The following YAF2 variants were observed in gnomAD, a reference collection of about 807,000 sequenced individuals.
The protein encoded by YAF2 is YY1 associated factor 2.
Under a neutral mutation model 20.1 loss-of-function variants are expected in YAF2, and 7 were observed. That is an observed-to-expected ratio of 0.35 (90% CI 0.20 to 0.65). The LOEUF (loss-of-function observed/expected upper bound fraction) is 0.65, where lower values mean the gene tolerates loss of function less well. Ranked by LOEUF, YAF2 falls within the 30% of genes least tolerant of loss-of-function variation. The pLI is 0.69. For synonymous variants in YAF2, 74 were observed against 76.0 expected (o/e 0.97, Z 0.14); for missense variants, 151 against 219.2 (o/e 0.69, Z 1.96).
intron 2 of YAF2, among the ~76,000 whole-genome samples, chr12:42,222,369 G>A (rs1237465695): frequency 6.6e-6 from 1 of 152,174 alleles, no homozygotes; most frequent in African/African-American, 2.4e-5. Flanking sequence ...AACTAGGATG[G>A]TTTTATAAAC....
At position 42,216,458 on chromosome 12, in the gene YAF2, C is replaced by T. The variant is rs1172710532; in HGVS notation, c.152+21141G>A. ...CCCTCTGTTTCTGTATTGTTACACT[C>T]TCCTGGGTTTCTTACTCCCTATTAA... On this transcript the variant is annotated intron_variant, in intron 2 of 3. Coordinates refer to ENST00000534854, the MANE Select transcript of YAF2 (RefSeq NM_005748.6). 3.9e-5 allele frequency among the ~76,000 whole-genome samples: 6 copies of T among 152,128 alleles called. No homozygotes were observed. The South Asian group carries it at 8.3e-4, about 21-fold the overall frequency.
chr12:42,236,526 C>A (rs2068161470), intron 2 of YAF2, among the ~76,000 whole-genome samples: 1 of 151,840 alleles, frequency 6.6e-6, no homozygotes, highest in African/African-American at 2.4e-5. Flanking sequence ...TTACTGTCAA[C>A]CATTCCTGTC....
At chr12:42,197,610 G>C (rs2066787784) in intron 2 of YAF2, among the ~76,000 whole-genome samples, 1 of 152,206 alleles carries the variant, frequency 6.6e-6, no homozygotes, top group African/African-American at 2.4e-5. Flanking sequence ...CGCTGGAATA[G>C]AGGTGGTGTA....
At position 42,202,104 on chromosome 12, in the gene YAF2, TC is replaced by T. The variant is rs368462084; in HGVS notation, c.152+35494del. On this transcript the variant is annotated intron_variant, in intron 2 of 3. Coordinates refer to ENST00000534854, the MANE Select transcript of YAF2 (RefSeq NM_005748.6). ...TATTGCTTGAAGCAGAGATCTAGTTTCCCCCCCCATCTAGAAAACCAATTCG... is the reference window on the plus strand; with the variant it reads ...TATTGCTTGAAGCAGAGATCTAGTTTCCCCCCCATCTAGAAAACCAATTCG... 9.8e-4 allele frequency among the ~76,000 whole-genome samples: 149 copies of T among 151,626 alleles called. 1 individual carries two copies. Among genetic ancestry groups the T allele is most frequent in the African/African-American group, 3.2e-3 (132 of 41,362 alleles).
intron 2 of YAF2, among the ~76,000 whole-genome samples, chr12:42,216,846 C>T (rs1300102611): frequency 6.6e-6 from 1 of 152,202 alleles, no homozygotes; most frequent in Non-Finnish European, 1.5e-5. Context: ...TCAGTGAGAA[C>T]TAACACCACT....
At chr12:42,227,134 C>T (rs1007315217) in intron 2 of YAF2, among the ~76,000 whole-genome samples, 5 of 145,676 alleles carry the variant, frequency 3.4e-5, no homozygotes, top group Admixed American at 6.8e-5. Context: ...GCCGCCGCGC[C>T]GGCGAGCGCC....
chr12:42,177,830 TAGG>T (rs1173717572), intron 2 of YAF2, among the ~76,000 whole-genome samples: 15 of 152,198 alleles, frequency 9.9e-5, no homozygotes, highest in Non-Finnish European at 1.5e-4. Context: ...ACCATAATTG[TAGG>T]AGAAGTCTTT....
At chr12:42,225,450 G>A (rs922123805) in intron 2 of YAF2, among the ~76,000 whole-genome samples, 2 of 152,146 alleles carry the variant, frequency 1.3e-5, no homozygotes, top group African/African-American at 4.8e-5. Flanking sequence ...CCTATGTCCT[G>A]AATAGTTTTT....
chr12:42,202,885 C>T (rs1454446981), intron 2 of YAF2, among the ~76,000 whole-genome samples: 1 of 152,172 alleles, frequency 6.6e-6, no homozygotes, highest in Non-Finnish European at 1.5e-5. Context: ...GATTCACCCG[C>T]CTCCGCCTCT....
chr12:42,190,140 T>A (rs914497051), intron 2 of YAF2, among the ~76,000 whole-genome samples: 1 of 152,202 alleles, frequency 6.6e-6, no homozygotes, highest in Non-Finnish European at 1.5e-5. Flanking sequence ...GCCAGGAGTT[T>A]GATTCCAGCC....
intron 2 of YAF2, among the ~76,000 whole-genome samples, chr12:42,171,871 A>AGAGGATCACCT (rs1269675231): frequency 6.6e-6 from 1 of 151,806 alleles, no homozygotes. Flanking sequence ...GGCTGAGATG[A>AGAGGATCACCT]GAGGATCACC....
At chr12:42,195,593 T>C (rs2066728476) in intron 2 of YAF2, among the ~76,000 whole-genome samples, 1 of 152,154 alleles carries the variant, frequency 6.6e-6, no homozygotes, top group Non-Finnish European at 1.5e-5. Flanking sequence ...GAATTAATGA[T>C]TATTAAAAGA....
At chr12:42,213,026 C>T (rs2067255622) in intron 2 of YAF2, among the ~76,000 whole-genome samples, 2 of 149,442 alleles carry the variant, frequency 1.3e-5, no homozygotes, top group African/African-American at 2.5e-5. Context: ...ATATTTTATC[C>T]TAATGGTATA....
intron 2 of YAF2, among the ~76,000 whole-genome samples, chr12:42,222,013 A>G (rs2067531699): frequency 6.6e-6 from 1 of 152,238 alleles, no homozygotes; most frequent in South Asian, 2.1e-4. Context: ...CAGTAATTCT[A>G]TAATTTCCCA....
At chr12:42,227,511 AGC>A (rs2067761487) in intron 2 of YAF2, among the ~76,000 whole-genome samples, 2 of 136,666 alleles carry the variant, frequency 1.5e-5, no homozygotes, top group Admixed American at 1.4e-4. Context: ...GGATGTGAGG[AGC>A]GCCTCTGCCC....
intron 2 of YAF2, among the ~76,000 whole-genome samples, chr12:42,228,310 C>T (rs1490236767): frequency 6.5e-5 from 5 of 77,100 alleles, no homozygotes; most frequent in Non-Finnish European, 1.2e-4. Context: ...GGGGGTCAGC[C>T]CCCCTGCCCG....
intron 2 of YAF2, among the ~76,000 whole-genome samples, chr12:42,185,175 C>CACAAACAA (rs1565613826): frequency 6.9e-6 from 1 of 143,966 alleles, no homozygotes; most frequent in East Asian, 2.0e-4. Context: ...CAGACTTTGT[C>CACAAACAA]GCAAACAAAC....
intron 2 of YAF2, among the ~76,000 whole-genome samples, chr12:42,208,307 T>C (rs1469675645): frequency 6.6e-6 from 1 of 152,056 alleles, no homozygotes; most frequent in African/African-American, 2.4e-5. Flanking sequence ...ATGCTTGTAA[T>C]CCCAGCTACT....
intron 2 of YAF2, among the ~76,000 whole-genome samples, chr12:42,170,956 C>A (rs905314476): frequency 6.6e-6 from 1 of 152,090 alleles, no homozygotes; most frequent in Admixed American, 6.6e-5. Context: ...TGGGAGAGAG[C>A]ACTAGAGCAA....
Sources: allele counts gnomAD v4.1 joint callset (sites outside exome capture counted in the v4.1 genomes callset), GRCh38; gene constraint gnomAD v4.1.1; transcripts MANE v1.5; gene names NCBI Gene and HGNC (gene_info 2026-07-23, HGNC 2026-07-21).